The following KIAA1217 variants were observed in gnomAD, a reference collection of about 807,000 sequenced individuals.
The protein encoded by KIAA1217 is sickle tail protein homolog.
In KIAA1217, 88 loss-of-function variants were observed where a neutral mutation model predicts 163.9. The ratio of observed to expected loss-of-function variants is 0.54; its 90% CI spans 0.45 to 0.64. The LOEUF is 0.64. Ranked by LOEUF, KIAA1217 falls within the 30% of genes least tolerant of loss-of-function variation. KIAA1217 has a pLI of 0.00. For synonymous variants in KIAA1217, 903 were observed against 923.1 expected (o/e 0.98, Z 0.39); for missense variants, 2,372 against 2,475.0 (o/e 0.96, Z 0.88).
intron 2 of KIAA1217, among the ~76,000 whole-genome samples, chr10:24,353,878 C>CA (rs1480966781): frequency 2.6e-5 from 4 of 152,152 alleles, no homozygotes; most frequent in East Asian, 1.9e-4. Flanking sequence ...ATTTTATGAG[C>CA]AAAAAATGTG....
chr10:23,854,584 T>G (rs1389698045), intron 1 of KIAA1217, among the ~76,000 whole-genome samples: 1 of 152,200 alleles, frequency 6.6e-6, no homozygotes, highest in Non-Finnish European at 1.5e-5. Context: ...ACTTTCTGTC[T>G]CGTTGATCTG....
At chr10:23,747,813 C>G (rs1221777576) in intron 1 of KIAA1217, among the ~76,000 whole-genome samples, 1 of 152,108 alleles carries the variant, frequency 6.6e-6, no homozygotes, top group Non-Finnish European at 1.5e-5. Context: ...GTGACTGATA[C>G]GTGATGAATC....
chr10:23,719,077 A>T (rs1482259434), intron 1 of KIAA1217, among the ~76,000 whole-genome samples: 1 of 152,190 alleles, frequency 6.6e-6, no homozygotes, highest in Non-Finnish European at 1.5e-5. Context: ...TTGAAAACAG[A>T]TATTCAGACA....
At chr10:23,841,570 TATTA>T (rs570237916) in intron 1 of KIAA1217, among the ~76,000 whole-genome samples, 12 of 152,194 alleles carry the variant, frequency 7.9e-5, no homozygotes, top group Admixed American at 6.6e-4. Context: ...ACTCTGTTCC[TATTA>T]ATTCTTTTTT....
chr10:24,134,283 G>A (rs542984589), intron 2 of KIAA1217, among the ~76,000 whole-genome samples: 2 of 152,300 alleles, frequency 1.3e-5, no homozygotes, highest in South Asian at 4.1e-4. Context: ...ACATAAAAAG[G>A]TAAGGAGACA....
At chr10:24,359,291 G>A (rs1400651406) in intron 2 of KIAA1217, among the ~76,000 whole-genome samples, 3 of 151,750 alleles carry the variant, frequency 2.0e-5, no homozygotes, top group African/African-American at 7.3e-5. Context: ...CGGAGTCTCA[G>A]CATGTTGGCC....
At chr10:24,231,498 A>G (rs1321615354) in intron 2 of KIAA1217, among the ~76,000 whole-genome samples, 1 of 152,166 alleles carries the variant, frequency 6.6e-6, no homozygotes, top group Non-Finnish European at 1.5e-5. Context: ...GTGTATATTT[A>G]ATGGAATACT....
intron 2 of KIAA1217, among the ~76,000 whole-genome samples, chr10:24,322,024 C>T (rs1444953772): frequency 6.6e-6 from 1 of 152,302 alleles, no homozygotes; most frequent in East Asian, 1.9e-4. Flanking sequence ...TCTCGGCTCA[C>T]TGCAATCTCC....
chr10:23,842,014 C>T (rs1427171410), intron 1 of KIAA1217, among the ~76,000 whole-genome samples: 3 of 151,924 alleles, frequency 2.0e-5, no homozygotes, highest in Non-Finnish European at 2.9e-5. Flanking sequence ...ATTACAGGCA[C>T]GTGCTACCAC....
chr10:24,222,485 T>C (rs2069792951), intron 2 of KIAA1217, among the ~76,000 whole-genome samples: 1 of 152,150 alleles, frequency 6.6e-6, no homozygotes, highest in Non-Finnish European at 1.5e-5. Context: ...GCAAGAATTT[T>C]GTTTGTTTGT....
chr10:24,157,995 G>A (rs571574604), intron 2 of KIAA1217: 99 of 762,726 alleles, frequency 1.3e-4, no homozygotes, highest in Non-Finnish European at 2.2e-4. Flanking sequence ...TCAATTAGTG[G>A]CCCTTCAGTA....
At chr10:24,014,390 A>G (rs976275106) in intron 2 of KIAA1217, among the ~76,000 whole-genome samples, 5 of 152,282 alleles carry the variant, frequency 3.3e-5, no homozygotes, top group East Asian at 3.9e-4. Flanking sequence ...ATTTGAAATA[A>G]ACAAATCACT....
chr10:24,312,845 G>A (rs1235754359), intron 2 of KIAA1217, among the ~76,000 whole-genome samples: 2 of 151,448 alleles, frequency 1.3e-5, no homozygotes, highest in African/African-American at 4.9e-5. Context: ...AGACTGAGGA[G>A]GTCTGGGCTG....
At chr10:23,745,891 G>A (rs573710404) in intron 1 of KIAA1217, among the ~76,000 whole-genome samples, 19 of 152,284 alleles carry the variant, frequency 1.2e-4, no homozygotes, top group African/African-American at 4.6e-4. Flanking sequence ...AACAAATAAA[G>A]AGAAGGCTAA....
chr10:23,766,818 G>C (rs139743394), intron 1 of KIAA1217, among the ~76,000 whole-genome samples: 2 of 152,044 alleles, frequency 1.3e-5, no homozygotes, highest in South Asian at 2.1e-4. Flanking sequence ...TCTCGAACTC[G>C]TGCCCTCAAA....
intron 2 of KIAA1217, among the ~76,000 whole-genome samples, chr10:24,277,319 C>T (rs1290745173): frequency 2.6e-5 from 4 of 152,178 alleles, no homozygotes; most frequent in African/African-American, 9.7e-5. Context: ...TGGTGTGGTT[C>T]CCACTCAAAG....
intron 1 of KIAA1217, among the ~76,000 whole-genome samples, chr10:23,966,827 T>A (rs1845085472): frequency 6.6e-6 from 1 of 152,296 alleles, no homozygotes; most frequent in African/African-American, 2.4e-5. Context: ...TTAATTCTTT[T>A]TGGGCAGGGA....
At chr10:24,373,719 T>C (rs1307403204) in intron 2 of KIAA1217, among the ~76,000 whole-genome samples, 1 of 152,170 alleles carries the variant, frequency 6.6e-6, no homozygotes, top group African/African-American at 2.4e-5. Flanking sequence ...TTGTCATTTG[T>C]TTGTTTGCAG....
chr10:24,492,509 C>T (rs1037706618), intron 6 of KIAA1217, among the ~76,000 whole-genome samples: 2 of 152,180 alleles, frequency 1.3e-5, no homozygotes, highest in East Asian at 3.9e-4. Flanking sequence ...ACTATTAATA[C>T]TTAAAATTGC....
Sources: gnomAD v4.1 joint callset for allele counts (sites outside exome capture counted in the v4.1 genomes callset) on GRCh38, gnomAD v4.1.1 for gene constraint, MANE v1.5 for transcripts, NCBI Gene and HGNC (gene_info 2026-07-23, HGNC 2026-07-21) for gene names.